Variants in LRRC1 observed in about 807,000 individuals in gnomAD.
LRRC1 encodes the protein leucine-rich repeat-containing protein 1.
LRRC1 carries 28 observed loss-of-function variants against 69.9 expected under a neutral mutation model. The observed-to-expected ratio is 0.40, with a 90% CI of 0.30 to 0.55. LRRC1 has a LOEUF of 0.55. LRRC1 is among the 20% of genes least tolerant of loss of function. The probability of loss-of-function intolerance (pLI) is 0.47; values close to 1 mark genes in which losing one functional copy is unlikely to be tolerated. For synonymous variants in LRRC1, 236 were observed against 240.2 expected (o/e 0.98, Z 0.16); for missense variants, 498 against 609.0 (o/e 0.82, Z 1.92).
intron 1 of LRRC1, among the ~76,000 whole-genome samples, chr6:53,808,115 C>G (rs1255913190): frequency 6.6e-6 from 1 of 152,214 alleles, no homozygotes; most frequent in Non-Finnish European, 1.5e-5. Flanking sequence ...AGAGTTCACT[C>G]TGCCTGCTGA....
chr6:53,823,975 A>G (rs897577530), intron 1 of LRRC1, among the ~76,000 whole-genome samples: 1 of 152,200 alleles, frequency 6.6e-6, no homozygotes. Flanking sequence ...TCTTTATGAT[A>G]GAACAATTTA....
intron 2 of LRRC1, among the ~76,000 whole-genome samples, chr6:53,860,072 A>G (rs1010425279): frequency 4.9e-4 from 75 of 152,222 alleles, no homozygotes; most frequent in African/African-American, 1.8e-3. Context: ...GCTTTAGGAC[A>G]TAGAAATTGA....
chr6:53,809,267 T>C (rs1475535698), intron 1 of LRRC1, among the ~76,000 whole-genome samples: 1 of 152,236 alleles, frequency 6.6e-6, no homozygotes, highest in Non-Finnish European at 1.5e-5. Context: ...GAACTATACA[T>C]ATTTCAGTAC....
At chr6:53,843,247 C>T (rs1416905046) in intron 2 of LRRC1, among the ~76,000 whole-genome samples, 1 of 152,146 alleles carries the variant, frequency 6.6e-6, no homozygotes, top group Non-Finnish European at 1.5e-5. Context: ...CTACAAAAAT[C>T]TATAGGTTTC....
intron 1 of LRRC1, among the ~76,000 whole-genome samples, chr6:53,821,798 A>G (rs1034027452): frequency 5.3e-5 from 8 of 151,704 alleles, no homozygotes; most frequent in African/African-American, 1.9e-4. Context: ...GCTTTGGACC[A>G]TTTACAGATG....
chr6:53,803,916 A>T (rs779765644), intron 1 of LRRC1, among the ~76,000 whole-genome samples: 5 of 152,082 alleles, frequency 3.3e-5, no homozygotes, highest in Non-Finnish European at 5.9e-5. Context: ...TTGGGAAGAG[A>T]TAATCTGGAG....
At chr6:53,833,980 T>C (rs1765536783) in intron 1 of LRRC1, among the ~76,000 whole-genome samples, 1 of 152,210 alleles carries the variant, frequency 6.6e-6, no homozygotes, top group Non-Finnish European at 1.5e-5. Context: ...TTAGTAAAAT[T>C]CTAATTGCCA....
chr6:53,862,564 G>A (rs1562048718), intron 2 of LRRC1, among the ~76,000 whole-genome samples: 1 of 152,124 alleles, frequency 6.6e-6, no homozygotes, highest in Non-Finnish European at 1.5e-5. Flanking sequence ...GTGGCTTTAG[G>A]TGAAAACCTT....
At chr6:53,877,044 C>G (rs868195742) in intron 2 of LRRC1, among the ~76,000 whole-genome samples, 10 of 152,236 alleles carry the variant, frequency 6.6e-5, no homozygotes, top group African/African-American at 2.4e-4. Context: ...AAACTTTTGC[C>G]TGGGCATCCA....
chr6:53,879,773 A>G (rs1767217820), intron 3 of LRRC1, among the ~76,000 whole-genome samples: 2 of 151,344 alleles, frequency 1.3e-5, no homozygotes, highest in African/African-American at 4.9e-5. Flanking sequence ...CCTTCCTGGT[A>G]TGACACAGTC....
At chr6:53,878,931 TGAGA>T (rs958803196) in intron 2 of LRRC1, 58 bp from the exon 3 acceptor site, 16 of 939,932 alleles carry the variant, frequency 1.7e-5, no homozygotes, top group Non-Finnish European at 2.6e-5. Flanking sequence ...TGATCCATCT[TGAGA>T]GTGATGAAAA....
chr6:53,838,529 G>A (rs1205651970), intron 1 of LRRC1, among the ~76,000 whole-genome samples: 2 of 152,158 alleles, frequency 1.3e-5, no homozygotes, highest in African/African-American at 4.8e-5. Context: ...ATGGTGATGG[G>A]TTTTGTAGTT....
At chr6:53,864,529 C>A (rs1430618824) in intron 2 of LRRC1, among the ~76,000 whole-genome samples, 1 of 152,152 alleles carries the variant, frequency 6.6e-6, no homozygotes. Flanking sequence ...AATTTCAGAG[C>A]CCTGCTCTTT....
intron 2 of LRRC1, among the ~76,000 whole-genome samples, chr6:53,855,356 T>C (rs144738997): frequency 6.0e-4 from 91 of 152,236 alleles, no homozygotes; most frequent in Non-Finnish European, 1.1e-3. Context: ...GAGTGCTGGG[T>C]TAAGATGAAC....
At chr6:53,816,496 A>T (rs1010385262) in intron 1 of LRRC1, among the ~76,000 whole-genome samples, 6 of 152,048 alleles carry the variant, frequency 3.9e-5, no homozygotes, top group African/African-American at 1.4e-4. Context: ...AATCACTGAG[A>T]TGGAAATGCT....
chr6:53,852,128 G>T (rs1766156014), intron 2 of LRRC1, among the ~76,000 whole-genome samples: 1 of 152,130 alleles, frequency 6.6e-6, no homozygotes, highest in Non-Finnish European at 1.5e-5. Context: ...TCTGTAAAAT[G>T]ATTTTAATAG....
chr6:53,920,452 A>T, intron 12 of LRRC1, 173 bp from the exon 13 acceptor site: 4 of 564,222 alleles, frequency 7.1e-6, no homozygotes, highest in South Asian at 3.4e-5. Context: ...TTGTTTTTGA[A>T]TTTTGTGTGT....
rs1543356 is a variant in LRRC1, at chr6:53,923,563, A to C, written c.*770A>C. On this transcript the variant is annotated 3_prime_UTR_variant, in exon 14 of 14. Transcript: ENST00000370888. Reference sequence around the variant, plus strand: ...ATTATCAATGATTTGTAATTATATCAGTTGATTTTTTTTGAAAAGATGAAC... The same window carrying C: ...ATTATCAATGATTTGTAATTATATCCGTTGATTTTTTTTGAAAAGATGAAC... The C allele has an allele frequency of 6.6e-6, 1 of 152,540 alleles. No individual in the cohort carries two copies. The highest frequency in any genetic ancestry group is 6.5e-5 in the Admixed American group (1 of 15,276). 9.4% of individuals were successfully genotyped at this position (152,540 alleles called of 1,614,324 possible).
intron 11 of LRRC1, among the ~76,000 whole-genome samples, chr6:53,916,505 G>A (rs1244818571): frequency 6.6e-6 from 1 of 151,810 alleles, no homozygotes; most frequent in Admixed American, 6.6e-5. Flanking sequence ...CTCTCATTTT[G>A]GTGGGGTTTT....
Sources: gnomAD v4.1 joint callset for allele counts (sites outside exome capture counted in the v4.1 genomes callset) on GRCh38, gnomAD v4.1.1 for gene constraint, MANE v1.5 for transcripts, NCBI Gene and HGNC (gene_info 2026-07-23, HGNC 2026-07-21) for gene names.